The following DIP2A variants were observed in gnomAD, a reference collection of about 807,000 sequenced individuals.
DIP2A encodes DIP2 acetate--CoA ligase A, also known as disco-interacting protein 2 homolog A.
In DIP2A, 85 loss-of-function variants were observed where a neutral mutation model predicts 177.4. The ratio of observed to expected loss-of-function variants is 0.48; its 90% CI spans 0.40 to 0.57. DIP2A has a LOEUF of 0.57. Ranked by LOEUF, DIP2A falls within the 20% of genes least tolerant of loss-of-function variation. DIP2A has a pLI of 0.00. For synonymous variants in DIP2A, 886 were observed against 881.8 expected (o/e 1.00, Z -0.08); for missense variants, 1,791 against 2,100.2 (o/e 0.85, Z 2.88).
intron 16 of DIP2A, chr21:46,539,621 C>T: frequency 2.0e-6 from 1 of 493,580 alleles, no homozygotes; most frequent in South Asian, 2.0e-5. Flanking sequence ...CATGCAGCAC[C>T]TTCCTGTCCC....
In DIP2A at chr21:46,546,941, A is replaced by T. The variant is rs1741498483; in HGVS notation, c.2421A>T (p.Lys807Asn). The T allele has an allele frequency of 6.2e-7, 1 of 1,613,768 alleles. No individual in the cohort carries two copies. Among genetic ancestry groups the T allele is most frequent in the South Asian group, 1.1e-5 (1 of 91,062 alleles). Residue 807 changes from lysine (K) to asparagine (N), a missense_variant, in exon 21 of 38, where the codon AAA becomes AAT. Lys to Asn is a moderately conservative substitution (Grantham distance 94). Coordinates refer to ENST00000417564, the MANE Select transcript of DIP2A (RefSeq NM_015151.4). Reference sequence around the variant, plus strand: ...ACAACCTGGTCTTCATCGTGGGCAAACTGGACGGGCTGATGGTCACTGGAG... The same window carrying T: ...ACAACCTGGTCTTCATCGTGGGCAATCTGGACGGGCTGATGGTCACTGGAG... ...GPDNLVFIVG[K>N]LDGLMVTGVR...
At chr21:46,546,706 C>T (rs113831033) in intron 20 of DIP2A, among the ~76,000 whole-genome samples, 134 of 152,306 alleles carry the variant, frequency 8.8e-4, no homozygotes, top group South Asian at 3.7e-3. Context: ...CCCACCAGCC[C>T]CCATTCCTTC....
rs995807310 is a variant in DIP2A at position 46,470,389 on chromosome 21, A to T, written c.91+11167A>T. ...CTCGGAACGCTGAGGCGGGAGAATC[A>T]CTTGAACCCAGGAGGCGGAGGTTGC... On this transcript the variant is annotated intron_variant, in intron 1 of 37. Coordinates refer to ENST00000417564, the MANE Select transcript of DIP2A (RefSeq NM_015151.4). Among the ~76,000 whole-genome samples the T allele has an allele frequency of 2.7e-5, 4 of 150,296 alleles. No individual in the cohort carries two copies. In the East Asian group the frequency reaches 8.0e-4, roughly 30 times the overall value.
intron 8 of DIP2A, among the ~76,000 whole-genome samples, chr21:46,512,272 A>T (rs2058348830): frequency 6.6e-6 from 1 of 152,174 alleles, no homozygotes; most frequent in Non-Finnish European, 1.5e-5. Flanking sequence ...GCTGTTAGGG[A>T]CATGCTTATG....
In DIP2A at chr21:46,484,664, G is replaced by T. The variant is rs114569409; in HGVS notation, c.92-93G>T. On this transcript the variant is annotated intron_variant, in intron 1 of 37. Transcript: ENST00000417564. ...CCAGACACTTCATGGAAGGACATCAGTGTTTCCAGTTTTTCAATCATAAAT... is the reference window on the plus strand; with the variant it reads ...CCAGACACTTCATGGAAGGACATCATTGTTTCCAGTTTTTCAATCATAAAT... 2,799 of 1,066,596 alleles carry T rather than the reference G, an allele frequency of 2.6e-3. 45 individuals carry two copies. In the African/African-American group the frequency reaches 0.04, roughly 15 times the overall value. The allele number at this position is 1,066,596 out of a possible 1,614,324, so 66.1% of individuals were successfully genotyped here. A position where few individuals can be genotyped will look rare whatever the true frequency, so the allele number is the denominator to read the frequency against.
intron 8 of DIP2A, 117 bp downstream of exon 8, chr21:46,511,731 A>G: frequency 3.5e-6 from 4 of 1,134,490 alleles, no homozygotes; most frequent in South Asian, 1.8e-5. Flanking sequence ...CAGCTGGCAG[A>G]TAAATAGAAC....
At chr21:46,477,328 A>G (rs1243552277) in intron 1 of DIP2A, among the ~76,000 whole-genome samples, 1 of 151,712 alleles carries the variant, frequency 6.6e-6, no homozygotes, top group Non-Finnish European at 1.5e-5. Flanking sequence ...GCAGATCAAG[A>G]CCAGCCTGGT....
chr21:46,567,819 A>G lies in DIP2A; in HGVS notation c.*197A>G. ...AAGAAATATTTTGAATCTGCCAAGT[A>G]CATTTACAAAAACACGGATGCTGGT... On this transcript the variant is annotated 3_prime_UTR_variant, in exon 38 of 38. Coordinates refer to ENST00000417564, the MANE Select transcript of DIP2A (RefSeq NM_015151.4). 1.7e-6 allele frequency: 1 copy of G among 601,964 alleles called. No homozygotes were observed. Among genetic ancestry groups the G allele is most frequent in the South Asian group, 3.9e-5 (1 of 25,860 alleles). The allele number at this position is 601,964 out of a possible 1,614,324, so 37.3% of individuals were successfully genotyped here.
At chr21:46,564,811 G>T (rs1174732804) in intron 35 of DIP2A, among the ~76,000 whole-genome samples, 1 of 152,212 alleles carries the variant, frequency 6.6e-6, no homozygotes, top group Non-Finnish European at 1.5e-5. Context: ...GTCCTGATGG[G>T]AAGGTGTCCT....
intron 6 of DIP2A, among the ~76,000 whole-genome samples, chr21:46,505,108 A>G (rs1476024882): frequency 6.6e-6 from 1 of 152,210 alleles, no homozygotes; most frequent in Admixed American, 6.5e-5. Context: ...GGCCTATCAT[A>G]TATGTTGGTA....
rs1274088913 is a variant in DIP2A, at chr21:46,498,983, A to G, written c.655+150A>G. 16 of 983,534 alleles carry G rather than the reference A, an allele frequency of 1.6e-5. 1 individual carries two copies. The highest frequency in any genetic ancestry group is 1.9e-5 in the Non-Finnish European group (13 of 691,876). 60.9% of individuals were successfully genotyped at this position (983,534 alleles called of 1,614,324 possible). A position where few individuals can be genotyped will look rare whatever the true frequency, so the allele number is the denominator to read the frequency against. ...GCTCTCCAAGTGACTGAGGTCACAC[A>G]ACCCAGATAACCCATACTGGCTTAT... On this transcript the variant is annotated intron_variant, in intron 5 of 37. Transcript: ENST00000417564. This position sits in a 1 kb window ranked among gnomAD's most constrained non-coding sequence, Gnocchi z 4.3.
Position 46,569,640 on chromosome 21 carries a change from T to C in DIP2A, c.*2018T>C, listed in dbSNP as rs867424605. ...GTGCATTAAAATGTTTTAGAATTAC[T>C]CTGGGAATTCTGTATATCACACTAA... On this transcript the variant is annotated 3_prime_UTR_variant, in exon 38 of 38. Transcript: ENST00000417564. The C allele has an allele frequency of 1.3e-4, 20 of 152,340 alleles. No individual in the cohort carries two copies. Among genetic ancestry groups the C allele is most frequent in the Middle Eastern group, 3.4e-3 (1 of 294 alleles). The allele number at this position is 152,340 out of a possible 1,614,324, so 9.4% of individuals were successfully genotyped here.
At position 46,558,344 on chromosome 21, in the gene DIP2A, C is replaced by T; in HGVS notation, c.3920C>T (p.Ala1307Val). The T allele has an allele frequency of 6.2e-7, 1 of 1,607,284 alleles. No homozygotes were observed. The highest frequency in any genetic ancestry group is 8.5e-7 in the Non-Finnish European group (1 of 1,177,768). The change falls in exon 32 of 38, where the codon GCC (alanine) becomes GTC (valine). Residue 1307 changes from alanine to valine, a missense_variant. By Grantham distance (64) the Ala-to-Val change is moderately conservative. Coordinates refer to ENST00000417564, the MANE Select transcript of DIP2A (RefSeq NM_015151.4). Reference protein sequence around the residue: ...LFKDLGLPARAVSTTFGCRVN... With the variant: ...LFKDLGLPARVVSTTFGCRVN... ...AAGGACCTGGGCCTGCCGGCCCGCG[C>T]CGTAAGCACCACGTTCGGGTGCAGG...
chr21:46,565,901 G>A lies in DIP2A; in HGVS notation c.4339+14G>A. On this transcript the variant is annotated intron_variant, in intron 36 of 37. Transcript: ENST00000417564. Reference sequence around the variant, plus strand: ...ATGCCAGTGGAGGTGAGGGGTTGTGGTGAAGCCCTGCGTGAGTGCTGTGCG... The same window carrying A: ...ATGCCAGTGGAGGTGAGGGGTTGTGATGAAGCCCTGCGTGAGTGCTGTGCG... 6.2e-7 allele frequency: 1 copy of A among 1,613,450 alleles called. No individual in the cohort carries two copies.
intron 3 of DIP2A, among the ~76,000 whole-genome samples, chr21:46,496,531 A>C (rs894388029): frequency 6.6e-6 from 1 of 152,230 alleles, no homozygotes; most frequent in South Asian, 2.1e-4. Flanking sequence ...ATCCTGGGCC[A>C]CACATAAAAT....
rs1189108114 is a variant in DIP2A, at chr21:46,568,709, TATTA to T, written c.*1091_*1094del. The T allele has an allele frequency of 6.6e-6, 1 of 152,242 alleles. No homozygotes were observed. The highest frequency in any genetic ancestry group is 6.5e-5 in the Admixed American group (1 of 15,286). 9.4% of individuals were successfully genotyped at this position (152,242 alleles called of 1,614,324 possible). On this transcript the variant is annotated 3_prime_UTR_variant, in exon 38 of 38. Transcript: ENST00000417564. The stretch of plus-strand genomic sequence containing the variant: ...ATTGCTAGTTTTCCTAACACTACAA[TATTA>T]ATTCTTCTCGTGGAAGTGTACTGAT...
intron 5 of DIP2A, among the ~76,000 whole-genome samples, chr21:46,501,646 C>T (rs1376149023): frequency 1.3e-5 from 2 of 152,160 alleles, no homozygotes; most frequent in African/African-American, 2.4e-5. Context: ...TGGGCTTGAA[C>T]TCCTGGGCTC....
Position 46,541,888 on chromosome 21 carries a change from G to C in DIP2A, c.2169G>C (p.Met723Ile), listed in dbSNP as rs767673755. 1.2e-6 allele frequency: 2 copies of C among 1,614,058 alleles called. No individual in the cohort carries two copies. Among genetic ancestry groups the C allele is most frequent in the Admixed American group, 3.3e-5 (2 of 60,036 alleles). ...VLTVQDVGQV[M>I]PGANVCVVKL... ...CTGTTCAGGACGTTGGTCAGGTGAT[G>C]CCTGGAGGTAAGAGACATAACCAGA... Residue 723 changes from methionine to isoleucine, a missense_variant, in exon 18 of 38, where the codon ATG becomes ATC. Coordinates refer to ENST00000417564, the MANE Select transcript of DIP2A (RefSeq NM_015151.4).
At chr21:46,486,076 AAAAAAAAAAAAAAAAGAACT>A (rs1465561251) in intron 2 of DIP2A, among the ~76,000 whole-genome samples, 1 of 47,716 alleles carries the variant, frequency 2.1e-5, no homozygotes, top group African/African-American at 1.3e-4. Context: ...ATCTCAAAAA[AAAAAAAAAAAAAAAAGAACT>A]AAAGAACTAG....
Sources: allele counts gnomAD v4.1 joint callset (sites outside exome capture counted in the v4.1 genomes callset), GRCh38; gene constraint gnomAD v4.1.1; non-coding constraint Gnocchi (gnomAD v3.1); transcripts MANE v1.5; gene names NCBI Gene and HGNC (gene_info 2026-07-23, HGNC 2026-07-21).